C1orf216: variants seen among roughly 807,000 people sequenced by gnomAD.
C1orf216 encodes the protein chromosome 1 open reading frame 216, also known as UPF0500 protein C1orf216.
A neutral mutation model predicts 16.4 loss-of-function variants in C1orf216; 18 were observed. That is an observed-to-expected ratio of 1.10 (90% CI 0.76 to 1.63). The LOEUF (loss-of-function observed/expected upper bound fraction) is 1.63. C1orf216 is among the 40% of genes most tolerant of loss of function. The probability of loss-of-function intolerance (pLI) is 0.00; values close to 1 mark genes in which losing one functional copy is unlikely to be tolerated. For missense variants in C1orf216, 271 were observed against 297.6 expected (o/e 0.91, Z 0.66); for synonymous variants, 115 against 116.9 (o/e 0.98, Z 0.11).
chr1:35,715,981 G>A lies in C1orf216; in HGVS notation c.341C>T (p.Ala114Val). The A allele has an allele frequency of 1.2e-6, 2 of 1,614,060 alleles. No homozygotes were observed. Among genetic ancestry groups the A allele is most frequent in the Non-Finnish European group, 1.7e-6 (2 of 1,180,030 alleles). The change falls in exon 2 of 2, where the codon GCC becomes GTC. Residue 114 changes from alanine to valine, a missense_variant. Around this residue, in one of 3 missense-constraint regions of C1orf216, gnomAD observed 220 missense variants for 227.8 expected, o/e 0.97. Coordinates refer to ENST00000270815, the MANE Select transcript of C1orf216 (RefSeq NM_152374.2). This position sits in a 1 kb window ranked among gnomAD's most constrained non-coding sequence, Gnocchi z 4.3. ...VCSPLEDNGY[A>V]SSSLSIDSRS... ...GCTGTCAATGCTCAGGGAACTGCTG[G>A]CATAGCCGTTGTCCTCCAGAGGGGA...
rs1640910506 is a variant in C1orf216, at chr1:35,713,970, GC to G, written c.*1661del. 1 of 152,016 alleles carries G rather than the reference GC, an allele frequency of 6.6e-6. No individual in the cohort carries two copies. 9.4% of individuals were successfully genotyped at this position (152,016 alleles called of 1,614,324 possible). On this transcript the variant is annotated 3_prime_UTR_variant, in exon 2 of 2. Coordinates refer to ENST00000270815, the MANE Select transcript of C1orf216 (RefSeq NM_152374.2). The stretch of plus-strand genomic sequence containing the variant: ...GAGCTACAGACAAAAAGTCTTCAGG[GC>G]CCACCCCTCACCCCCACTCTCTGGA...
chr1:35,716,243 G>A lies in C1orf216; in HGVS notation c.79C>T (p.Leu27Phe). The A allele has an allele frequency of 6.2e-7, 1 of 1,614,264 alleles. No homozygotes were observed. Among genetic ancestry groups the A allele is most frequent in the Non-Finnish European group, 8.5e-7 (1 of 1,180,056 alleles). ...DPPPGLCQPE[L>F]QPDSNSNFMA... ...AAGTTGGAGTTGCTGTCTGGTTGGA[G>A]CTCGGGCTGACATAATCCAGGAGGT... is the stretch of plus-strand genomic sequence containing the variant. Residue 27 changes from leucine to phenylalanine, a missense_variant, in exon 2 of 2, where the codon CTC becomes TTC. Coordinates refer to ENST00000270815, the MANE Select transcript of C1orf216 (RefSeq NM_152374.2).
chr1:35,716,888 T>A (rs1039720382), intron 1 of C1orf216: 1 of 153,600 alleles, frequency 6.5e-6, no homozygotes, highest in Non-Finnish European at 1.5e-5. Flanking sequence ...TCCCAGCTAT[T>A]TGGGAGGCTG....
Position 35,716,151 on chromosome 1 carries a change from C to G in C1orf216, c.171G>C (p.Leu57=), listed in dbSNP as rs1285444366. 6.2e-7 allele frequency: 1 copy of G among 1,614,266 alleles called. No individual in the cohort carries two copies. The highest frequency in any genetic ancestry group is 2.2e-5 in the East Asian group (1 of 44,892). ...HGMPGRVEPI[L]RRSSSESPSD... Reference sequence around the variant, plus strand: ...AGGGTGACTCAGAGGAGCTCCTCCTCAGGATAGGTTCCACTCTGCCTGGCA... The same window carrying G: ...AGGGTGACTCAGAGGAGCTCCTCCTGAGGATAGGTTCCACTCTGCCTGGCA... The change falls in exon 2 of 2, where the codon CTG becomes CTC. Residue 57 remains leucine (L), a synonymous_variant. Transcript: ENST00000270815.
chr1:35,715,852 T>C lies in C1orf216; in HGVS notation c.470A>G (p.Gln157Arg). The part of the protein sequence containing the change: ...VAQAVQHLQV[Q>R]ERYKEQEKEK... ...CTTCTCCTGCTCTTTGTAGCGCTCC[T>C]GGACTTGTAAGTGCTGCACAGCCTG... is the stretch of plus-strand genomic sequence containing the variant. Residue 157 changes from glutamine (Q) to arginine (R), a missense_variant, in exon 2 of 2, where the codon CAG becomes CGG. Physicochemically the swap from Gln to Arg is conservative, Grantham distance 43. Transcript: ENST00000270815. This position sits in a 1 kb window ranked among gnomAD's most constrained non-coding sequence, Gnocchi z 4.3. 1 of 1,614,216 alleles carries C rather than the reference T, an allele frequency of 6.2e-7. No homozygotes were observed.
In C1orf216 at chr1:35,716,283, T is replaced by C. The variant is rs758009028; in HGVS notation, c.39A>G (p.Gln13=). ...ATCCAGGAGGTGGGTCCCCCAGGAATTGGCCCCCCTCAGCTAGCCCTGGCT... is the reference window on the plus strand; with the variant it reads ...ATCCAGGAGGTGGGTCCCCCAGGAACTGGCCCCCCTCAGCTAGCCCTGGCT... ...AIQPGLAEGG[Q]FLGDPPPGLC... is the part of the protein sequence containing the mutation. The change falls in exon 2 of 2, where the codon CAA becomes CAG. Residue 13 remains glutamine, a synonymous_variant. Transcript: ENST00000270815. 8.1e-6 allele frequency: 13 copies of C among 1,613,932 alleles called. No individual in the cohort carries two copies. Among genetic ancestry groups the C allele is most frequent in the South Asian group, 3.3e-5 (3 of 91,046 alleles).
Position 35,716,212 on chromosome 1 carries a change from G to T in C1orf216, c.110C>A (p.Ala37Glu), listed in dbSNP as rs41267257. Residue 37 changes from alanine to glutamate, a missense_variant, in exon 2 of 2, where the codon GCA becomes GAA. Transcript: ENST00000270815. ...LQPDSNSNFMASAKDANENWH... is the reference protein window; with the variant it reads ...LQPDSNSNFMESAKDANENWH... Reference sequence around the variant, plus strand: ...ATTCTCGTTAGCATCCTTGGCACTTGCCATGAAGTTGGAGTTGCTGTCTGG... The same window carrying T: ...ATTCTCGTTAGCATCCTTGGCACTTTCCATGAAGTTGGAGTTGCTGTCTGG... The T allele has an allele frequency of 1.2e-6, 2 of 1,614,260 alleles. No individual in the cohort carries two copies. The highest frequency in any genetic ancestry group is 1.7e-6 in the Non-Finnish European group (2 of 1,180,048).
chr1:35,718,437 G>A (rs1172895538), intron 1 of C1orf216, among the ~76,000 whole-genome samples: 1 of 152,112 alleles, frequency 6.6e-6, no homozygotes, highest in African/African-American at 2.4e-5. Flanking sequence ...ACTTGGATGG[G>A]GCCGTGAAGG....
chr1:35,716,064 C>G lies in C1orf216; in HGVS notation c.258G>C (p.Glu86Asp), dbSNP rs745583148. 6 of 1,614,136 alleles carry G rather than the reference C, an allele frequency of 3.7e-6. No individual in the cohort carries two copies. The South Asian group carries it at 6.6e-5, about 18-fold the overall frequency. The change falls in exon 2 of 2, where the codon GAG (glutamate) becomes GAC (aspartate). Residue 86 changes from glutamate (E) to aspartate (D), a missense_variant. By Grantham distance (45) the Glu-to-Asp change is conservative (BLOSUM62 2). Coordinates refer to ENST00000270815, the MANE Select transcript of C1orf216 (RefSeq NM_152374.2). ...SPEEGVRSPP[E>D]GAEIPGAEPE... ...GCTCAGCCCCGGGAATCTCTGCCCC[C>G]TCTGGGGGGCTGCGCACCCCTTCCT...
chr1:35,718,536 C>T (rs1640989037), intron 1 of C1orf216, among the ~76,000 whole-genome samples, 171 bp downstream of exon 1: 1 of 152,180 alleles, frequency 6.6e-6, no homozygotes. Context: ...GACTAGGTCT[C>T]CGCCCAAACA....
At position 35,714,869 on chromosome 1, in the gene C1orf216, A is replaced by C. The variant is rs534296921; in HGVS notation, c.*763T>G. 1 of 152,574 alleles carries C rather than the reference A, an allele frequency of 6.6e-6. No homozygotes were observed. Among genetic ancestry groups the C allele is most frequent in the East Asian group, 1.9e-4 (1 of 5,188 alleles). The allele number at this position is 152,574 out of a possible 1,614,324, so 9.5% of individuals were successfully genotyped here. A position where few individuals can be genotyped will look rare whatever the true frequency, so the allele number is the denominator to read the frequency against. ...CAGAGCAGCCACTAAACCTCCTACAAGTAAAGCCAACATCAGGGACAATAG... is the reference window on the plus strand; with the variant it reads ...CAGAGCAGCCACTAAACCTCCTACACGTAAAGCCAACATCAGGGACAATAG... On this transcript the variant is annotated 3_prime_UTR_variant, in exon 2 of 2. Transcript: ENST00000270815.
At position 35,715,912 on chromosome 1, in the gene C1orf216, G is replaced by A. The variant is rs765877349; in HGVS notation, c.410C>T (p.Pro137Leu). 1.9e-6 allele frequency: 3 copies of A among 1,614,220 alleles called. No homozygotes were observed. The South Asian group carries it at 3.3e-5, about 18-fold the overall frequency. ...PEPACGTPRGPGPPDPLLPSV... is the reference protein window; with the variant it reads ...PEPACGTPRGLGPPDPLLPSV... ...GGGCAGAAGGGGATCGGGAGGGCCA[G>A]GGCCTCGCGGGGTCCCACAGGCAGG... The change falls in exon 2 of 2, where the codon CCT (proline) becomes CTT (leucine). Residue 137 changes from proline (P) to leucine (L), a missense_variant. Coordinates refer to ENST00000270815, the MANE Select transcript of C1orf216 (RefSeq NM_152374.2). This position sits in a 1 kb window ranked among gnomAD's most constrained non-coding sequence, Gnocchi z 4.3.
chr1:35,716,574 T>G (rs927082985), intron 1 of C1orf216: 1 of 536,664 alleles, frequency 1.9e-6, no homozygotes, highest in Non-Finnish European at 3.3e-6. Context: ...ATTTTGTGCA[T>G]TTCTCTCCAG....
In C1orf216 at chr1:35,715,520, A is replaced by G. The variant is rs1412949171; in HGVS notation, c.*112T>C. The G allele has an allele frequency of 8.3e-7, 1 of 1,211,278 alleles. No homozygotes were observed. The highest frequency in any genetic ancestry group is 1.1e-6 in the Non-Finnish European group (1 of 874,038). 75.0% of individuals were successfully genotyped at this position (1,211,278 alleles called of 1,614,324 possible). A position where few individuals can be genotyped will look rare whatever the true frequency, so the allele number is the denominator to read the frequency against. ...CACACCAGCCTACATGTTAGCACATACACACTCATGCCTACCTGCAATCAT... is the reference window on the plus strand; with the variant it reads ...CACACCAGCCTACATGTTAGCACATGCACACTCATGCCTACCTGCAATCAT... On this transcript the variant is annotated 3_prime_UTR_variant, in exon 2 of 2. Coordinates refer to ENST00000270815, the MANE Select transcript of C1orf216 (RefSeq NM_152374.2). The surrounding 1 kb of genome is among the most constrained non-coding windows in gnomAD (Gnocchi z 4.3).
rs752427031 is a variant in C1orf216, at chr1:35,715,920, C to T, written c.402G>A (p.Pro134=). The T allele has an allele frequency of 1.7e-5, 27 of 1,614,026 alleles. No homozygotes were observed. The highest frequency in any genetic ancestry group is 6.7e-5 in the African/African-American group (5 of 74,934). The change falls in exon 2 of 2, where the codon CCG becomes CCA. Residue 134 remains proline, a synonymous_variant. Coordinates refer to ENST00000270815, the MANE Select transcript of C1orf216 (RefSeq NM_152374.2). This position sits in a 1 kb window ranked among gnomAD's most constrained non-coding sequence, Gnocchi z 4.3. ...GGGGATCGGGAGGGCCAGGGCCTCG[C>T]GGGGTCCCACAGGCAGGCTCAGGAC... The part of the protein sequence containing the change: ...SSSPEPACGT[P]RGPGPPDPLL...
At position 35,714,291 on chromosome 1, in the gene C1orf216, G is replaced by A. The variant is rs1640916443; in HGVS notation, c.*1341C>T. On this transcript the variant is annotated 3_prime_UTR_variant, in exon 2 of 2. Coordinates refer to ENST00000270815, the MANE Select transcript of C1orf216 (RefSeq NM_152374.2). Reference sequence around the variant, plus strand: ...CTGTTTGAAGGGCCATGCAGTGAAAGAAGGGGTTAAAATTCAGCATCCTAA... The same window carrying A: ...CTGTTTGAAGGGCCATGCAGTGAAAAAAGGGGTTAAAATTCAGCATCCTAA... The A allele has an allele frequency of 6.6e-6, 1 of 152,248 alleles. No individual in the cohort carries two copies. Among genetic ancestry groups the A allele is most frequent in the African/African-American group, 2.4e-5 (1 of 41,456 alleles). The allele number at this position is 152,248 out of a possible 1,614,324, so 9.4% of individuals were successfully genotyped here.
rs1452458525 is a variant in C1orf216 at position 35,716,127 on chromosome 1, G to A, written c.195C>T (p.Pro65=). ...PILRRSSSES[P]SDNQAFQAPG... is the part of the protein sequence containing the mutation. ...GGGCCTGGAAGGCTTGGTTGTCAGA[G>A]GGTGACTCAGAGGAGCTCCTCCTCA... The change falls in exon 2 of 2, where the codon CCC becomes CCT. Residue 65 remains proline, a synonymous_variant. Transcript: ENST00000270815. 3.1e-6 allele frequency: 5 copies of A among 1,614,200 alleles called. No homozygotes were observed. In the South Asian group the frequency reaches 4.4e-5, roughly 14 times the overall value.
Position 35,716,273 on chromosome 1 carries a change from C to G in C1orf216, c.49G>C (p.Asp17His). ...GLAEGGQFLG[D>H]PPPGLCQPEL... is the part of the protein sequence containing the mutation. ...GGCTGACATAATCCAGGAGGTGGGT[C>G]CCCCAGGAATTGGCCCCCCTCAGCT... Residue 17 changes from aspartate (D) to histidine (H), a missense_variant, in exon 2 of 2, where the codon GAC becomes CAC. Transcript: ENST00000270815. The G allele has an allele frequency of 6.2e-7, 1 of 1,614,096 alleles. No homozygotes were observed. Among genetic ancestry groups the G allele is most frequent in the Non-Finnish European group, 8.5e-7 (1 of 1,179,948 alleles).
chr1:35,717,604 T>C (rs1640974452), intron 1 of C1orf216, among the ~76,000 whole-genome samples: 1 of 152,194 alleles, frequency 6.6e-6, no homozygotes, highest in African/African-American at 2.4e-5. Context: ...CGGTTAGTTA[T>C]GCCTTCCTCT....
Sources: allele counts gnomAD v4.1 joint callset (sites outside exome capture counted in the v4.1 genomes callset), GRCh38; gene constraint gnomAD v4.1.1; regional missense constraint gnomAD v4.1.1; non-coding constraint Gnocchi (gnomAD v3.1); transcripts MANE v1.5; gene names NCBI Gene and HGNC (gene_info 2026-07-23, HGNC 2026-07-21).